NCAPD3: variants seen among roughly 807,000 people sequenced by gnomAD.
NCAPD3 encodes the protein condensin-2 complex subunit D3.
A neutral mutation model predicts 182.9 loss-of-function variants in NCAPD3; 105 were observed. The observed-to-expected ratio is 0.57, with a 90% CI of 0.49 to 0.68. The LOEUF is 0.68. Ranked by LOEUF, NCAPD3 falls within the 30% of genes least tolerant of loss-of-function variation. The pLI is 0.00. For synonymous variants in NCAPD3, 815 were observed against 679.9 expected (o/e 1.20, Z -3.09); for missense variants, 1,944 against 1,837.0 (o/e 1.06, Z -1.07).
chr11:134,185,231 G>A (rs993288464), intron 17 of NCAPD3, 104 bp downstream of exon 17: 67 of 1,057,656 alleles, frequency 6.3e-5, no homozygotes, highest in Non-Finnish European at 8.9e-5. Flanking sequence ...TAAACAGAAG[G>A]TCTCTGTATA....
chr11:134,219,376 C>T (rs939436747), intron 2 of NCAPD3, among the ~76,000 whole-genome samples: 10 of 152,140 alleles, frequency 6.6e-5, no homozygotes, highest in Admixed American at 5.9e-4. Flanking sequence ...ACTCTCCACC[C>T]CCTGCAACTG....
chr11:134,168,349 A>G (rs943181877), intron 26 of NCAPD3, 120 bp downstream of exon 26: 4 of 1,514,016 alleles, frequency 2.6e-6, no homozygotes, highest in Non-Finnish European at 3.6e-6. Flanking sequence ...GAGAAGGACA[A>G]GATGACAGGG....
intron 27 of NCAPD3, among the ~76,000 whole-genome samples, 174 bp from the exon 28 acceptor site, chr11:134,162,065 G>A (rs983958110): frequency 2.6e-5 from 4 of 152,198 alleles, no homozygotes; most frequent in Non-Finnish European, 4.4e-5. Context: ...GACTTTGTAA[G>A]CATTACCTCA....
upstream of NCAPD3, chr11:134,224,145 C>G: frequency 1.6e-6 from 1 of 608,302 alleles, no homozygotes; most frequent in Non-Finnish European, 2.9e-6. Flanking sequence ...AACAAGGCTC[C>G]TGCGGGTGTT....
At chr11:134,155,735 G>A (rs1406540633) in intron 32 of NCAPD3, among the ~76,000 whole-genome samples, 2 of 152,064 alleles carry the variant, frequency 1.3e-5, no homozygotes, top group Non-Finnish European at 2.9e-5. Flanking sequence ...TGGCACTCCT[G>A]AGCCAGGAAC....
intron 27 of NCAPD3, among the ~76,000 whole-genome samples, chr11:134,164,098 C>T (rs1943681427): frequency 6.6e-6 from 1 of 152,066 alleles, no homozygotes; most frequent in Non-Finnish European, 1.5e-5. Flanking sequence ...AGTCAAAAGC[C>T]TCCAGAGGCC....
upstream of NCAPD3, chr11:134,225,209 G>A (rs1938424883): frequency 1.2e-6 from 2 of 1,614,168 alleles, no homozygotes; most frequent in Non-Finnish European, 1.7e-6. Context: ...AGCACAAGAC[G>A]GAGGACGGGA....
At chr11:134,224,167 T>G (rs986076093), upstream of NCAPD3, 2 of 594,766 alleles carry the variant, frequency 3.4e-6, no homozygotes, top group Admixed American at 3.0e-5. Flanking sequence ...CGCTAATTCG[T>G]TCGAGAAGGA....
intron 29 of NCAPD3, among the ~76,000 whole-genome samples, chr11:134,159,458 C>T (rs1226625248): frequency 6.6e-6 from 1 of 152,194 alleles, no homozygotes; most frequent in Non-Finnish European, 1.5e-5. Context: ...TGTGGCATGA[C>T]AGAAGAGAAA....
In NCAPD3 at chr11:134,222,032, G is replaced by A. The variant is rs138837840; in HGVS notation, c.65-1306C>T. Among the ~76,000 whole-genome samples the A allele has an allele frequency of 3.9e-5, 6 of 152,330 alleles. No individual in the cohort carries two copies. In the South Asian group the frequency reaches 8.3e-4, roughly 21 times the overall value. Reference sequence around the variant, plus strand: ...CCTTCTTTTGGTTTTGCTTATGACAGTTCCCTACTGTAAATACCATCAAAT... The same window carrying A: ...CCTTCTTTTGGTTTTGCTTATGACAATTCCCTACTGTAAATACCATCAAAT... On this transcript the variant is annotated intron_variant, in intron 1 of 34. Coordinates refer to ENST00000534548, the MANE Select transcript of NCAPD3 (RefSeq NM_015261.3).
chr11:134,199,618 G>C (rs1029067851), intron 13 of NCAPD3, among the ~76,000 whole-genome samples: 2 of 152,206 alleles, frequency 1.3e-5, no homozygotes, highest in African/African-American at 4.8e-5. Context: ...GGGGACAACA[G>C]AGAGTCTCCA....
chr11:134,212,175 C>T (rs1937856179), intron 3 of NCAPD3, among the ~76,000 whole-genome samples: 1 of 152,028 alleles, frequency 6.6e-6, no homozygotes, highest in South Asian at 2.1e-4. Flanking sequence ...CAGACCTGCA[C>T]TAAATGTTTA....
chr11:134,224,925 T>A (rs1367622088), upstream of NCAPD3: 2 of 252,104 alleles, frequency 7.9e-6, no homozygotes, highest in African/African-American at 4.6e-5. Context: ...GCCGCCAGCC[T>A]CCCCCGGCCG....
At chr11:134,188,801 C>A (rs924780413) in intron 16 of NCAPD3, among the ~76,000 whole-genome samples, 3 of 152,084 alleles carry the variant, frequency 2.0e-5, no homozygotes, top group Non-Finnish European at 4.4e-5. Flanking sequence ...TTGAAGTCAG[C>A]GAGACCAAGA....
chr11:134,207,623 G>A (rs1158777440), intron 7 of NCAPD3, among the ~76,000 whole-genome samples: 1 of 151,526 alleles, frequency 6.6e-6, no homozygotes, highest in Non-Finnish European at 1.5e-5. Context: ...CGCACCTGTA[G>A]TCCCAGCCAC....
intron 1 of NCAPD3, 44 bp from the exon 2 acceptor site, chr11:134,220,770 T>TA (rs765693526): frequency 1.0e-5 from 16 of 1,556,796 alleles, no homozygotes; most frequent in African/African-American, 8.2e-5. Context: ...CTGTAACAAG[T>TA]AAAAAAACTA....
intron 3 of NCAPD3, among the ~76,000 whole-genome samples, chr11:134,216,257 G>A (rs1938018519): frequency 1.3e-5 from 2 of 152,182 alleles, no homozygotes; most frequent in South Asian, 2.1e-4. Flanking sequence ...TAAATCCTTT[G>A]CTAAACATTT....
At chr11:134,211,678 A>G (rs186412084) in intron 3 of NCAPD3, among the ~76,000 whole-genome samples, 72 of 152,276 alleles carry the variant, frequency 4.7e-4, no homozygotes, top group Admixed American at 2.0e-3. Context: ...GTAAAACATT[A>G]TCATGAGGAG....
rs562237488 is a variant in NCAPD3 at position 134,152,520 on chromosome 11, A to G, written c.*424T>C. The stretch of plus-strand genomic sequence containing the variant: ...AAAAATTTGCACTTATAAATAATAG[A>G]AAAAATATTAGAATCAAAATTTCGT... On this transcript the variant is annotated 3_prime_UTR_variant, in exon 35 of 35. Transcript: ENST00000534548. 3.2e-5 allele frequency: 5 copies of G among 154,544 alleles called. No individual in the cohort carries two copies. The South Asian group carries it at 1.0e-3, about 32-fold the overall frequency. The allele number at this position is 154,544 out of a possible 1,614,324, so 9.6% of individuals were successfully genotyped here. A position where few individuals can be genotyped will look rare whatever the true frequency, so the allele number is the denominator to read the frequency against.
Sources: allele counts gnomAD v4.1 joint callset (sites outside exome capture counted in the v4.1 genomes callset), GRCh38; gene constraint gnomAD v4.1.1; transcripts MANE v1.5; gene names NCBI Gene and HGNC (gene_info 2026-07-23, HGNC 2026-07-21).